GALNT17: variants seen among roughly 807,000 people sequenced by gnomAD.
GALNT17 encodes the protein polypeptide N-acetylgalactosaminyltransferase 17.
GALNT17 carries 29 observed loss-of-function variants against 63.7 expected under a neutral mutation model. The observed-to-expected ratio is 0.46, with a 90% CI of 0.34 to 0.62. GALNT17 has a LOEUF of 0.62. GALNT17 is among the 20% of genes least tolerant of loss of function. The probability of loss-of-function intolerance (pLI) is 0.01; values close to 1 mark genes in which losing one functional copy is unlikely to be tolerated. For missense variants in GALNT17, 603 were observed against 799.6 expected, an observed-to-expected ratio of 0.75 and a Z score of 2.97; for synonymous variants, 305 against 318.3, an observed-to-expected ratio of 0.96 and a Z score of 0.45.
intron 1 of GALNT17, among the ~76,000 whole-genome samples, chr7:71,294,742 A>G (rs1295458278): frequency 6.6e-6 from 1 of 152,148 alleles, no homozygotes; most frequent in Non-Finnish European, 1.5e-5. Context: ...TATGCTTTAT[A>G]CAGACATCTA....
At chr7:71,208,450 T>C (rs1323289616) in intron 1 of GALNT17, among the ~76,000 whole-genome samples, 1 of 53,388 alleles carries the variant, frequency 1.9e-5, no homozygotes, top group Non-Finnish European at 2.9e-5. Context: ...TAATAAATGC[T>C]TTTTTTTTTT....
chr7:71,578,693 A>G (rs1418015017), intron 6 of GALNT17, among the ~76,000 whole-genome samples: 1 of 152,142 alleles, frequency 6.6e-6, no homozygotes, highest in African/African-American at 2.4e-5. Flanking sequence ...AGGAACCTGA[A>G]TGAAAACAGC....
intron 1 of GALNT17, among the ~76,000 whole-genome samples, chr7:71,164,015 T>G (rs1788392920): frequency 6.6e-6 from 1 of 152,106 alleles, no homozygotes; most frequent in Non-Finnish European, 1.5e-5. Context: ...GGATTTAGAG[T>G]GGAAACAGAG....
chr7:71,346,745 T>TTGGGGGGGCGGGGGTGGG (rs1156314811), intron 2 of GALNT17, among the ~76,000 whole-genome samples: 1 of 2,376 alleles, frequency 4.2e-4, no homozygotes, highest in Non-Finnish European at 1.0e-3. Flanking sequence ...ATCTTGCCTG[T>TTGGGGGGGCGGGGGTGGG]TGGGGGGGCG....
intron 5 of GALNT17, among the ~76,000 whole-genome samples, chr7:71,521,623 C>G (rs909678364): frequency 6.6e-6 from 1 of 152,350 alleles, no homozygotes; most frequent in Admixed American, 6.5e-5. Flanking sequence ...TCGACTTACA[C>G]TGCTCAGTTC....
intron 1 of GALNT17, among the ~76,000 whole-genome samples, chr7:71,328,818 A>G (rs766091716): frequency 6.6e-6 from 1 of 152,046 alleles, no homozygotes; most frequent in Non-Finnish European, 1.5e-5. Context: ...TGGAAGCAAT[A>G]ATGCCACATA....
Position 71,153,789 on chromosome 7 carries a change from C to T in GALNT17, c.238+20749C>T, listed in dbSNP as rs539368176. 5.5e-4 allele frequency among the ~76,000 whole-genome samples: 84 copies of T among 152,042 alleles called. 2 individuals are homozygous for T. The South Asian group carries it at 0.016, about 29-fold the overall frequency. On this transcript the variant is annotated intron_variant, in intron 1 of 10. Coordinates refer to ENST00000333538, the MANE Select transcript of GALNT17 (RefSeq NM_022479.3). Reference sequence around the variant, plus strand: ...AAAATTAGCCAGTCGTGGTGGCGGGCGCCTGTAGTCCCAGCTACTCAGGAG... The same window carrying T: ...AAAATTAGCCAGTCGTGGTGGCGGGTGCCTGTAGTCCCAGCTACTCAGGAG...
intron 1 of GALNT17, among the ~76,000 whole-genome samples, chr7:71,328,594 A>G (rs556586893): frequency 2.0e-5 from 3 of 151,508 alleles, no homozygotes; most frequent in South Asian, 4.2e-4. Flanking sequence ...ACTCTTATTT[A>G]TCTTTGCCAA....
At chr7:71,508,764 CTG>C (rs1364657570) in intron 5 of GALNT17, among the ~76,000 whole-genome samples, 1 of 152,142 alleles carries the variant, frequency 6.6e-6, no homozygotes, top group East Asian at 1.9e-4. Flanking sequence ...CTCCAGAAAA[CTG>C]TGTTCCTTCC....
intron 1 of GALNT17, among the ~76,000 whole-genome samples, chr7:71,163,198 A>G (rs1452212840): frequency 1.3e-5 from 2 of 152,262 alleles, no homozygotes; most frequent in East Asian, 1.9e-4. Flanking sequence ...GATGCCATTC[A>G]CTGAGACAGG....
intron 6 of GALNT17, among the ~76,000 whole-genome samples, chr7:71,655,606 C>T (rs79502847): frequency 0.011 from 1,652 of 152,224 alleles, 30 homozygotes; most frequent in African/African-American, 0.038. Context: ...AAATAGTTTC[C>T]GGGGGAAGAA....
At chr7:71,164,313 C>A (rs1788397599) in intron 1 of GALNT17, among the ~76,000 whole-genome samples, 1 of 152,174 alleles carries the variant, frequency 6.6e-6, no homozygotes, top group South Asian at 2.1e-4. Flanking sequence ...GGAAGCAAGG[C>A]ACGTCTTACA....
chr7:71,447,658 A>G (rs1787183930), intron 5 of GALNT17, among the ~76,000 whole-genome samples: 1 of 152,216 alleles, frequency 6.6e-6, no homozygotes, highest in African/African-American at 2.4e-5. Flanking sequence ...TTATATTATT[A>G]TAACTATTTG....
chr7:71,179,202 A>G (rs1018330008), intron 1 of GALNT17, among the ~76,000 whole-genome samples: 1 of 151,474 alleles, frequency 6.6e-6, no homozygotes, highest in South Asian at 2.1e-4. Context: ...AGATAAATGC[A>G]TATCTGATCG....
intron 5 of GALNT17, among the ~76,000 whole-genome samples, chr7:71,465,348 C>A (rs916105094): frequency 1.3e-5 from 2 of 152,108 alleles, no homozygotes; most frequent in Non-Finnish European, 2.9e-5. Flanking sequence ...AAGTAGTTAA[C>A]CTAAAAGATA....
At chr7:71,647,585 A>G (rs1239812654) in intron 6 of GALNT17, among the ~76,000 whole-genome samples, 1 of 152,196 alleles carries the variant, frequency 6.6e-6, no homozygotes, top group Admixed American at 6.5e-5. Flanking sequence ...AGGCCCTGGA[A>G]GCCCATGGCT....
intron 5 of GALNT17, among the ~76,000 whole-genome samples, chr7:71,446,792 G>C (rs1012271776): frequency 6.6e-6 from 1 of 152,146 alleles, no homozygotes; most frequent in African/African-American, 2.4e-5. Context: ...CAAGTGATCT[G>C]TCTGCCTCTG....
At chr7:71,524,008 C>T (rs895972150) in intron 5 of GALNT17, among the ~76,000 whole-genome samples, 4 of 150,028 alleles carry the variant, frequency 2.7e-5, no homozygotes, top group Non-Finnish European at 5.9e-5. Flanking sequence ...ATCCCAGCTA[C>T]TCGGGAGGCT....
intron 1 of GALNT17, among the ~76,000 whole-genome samples, chr7:71,274,511 C>A (rs550888525): frequency 6.6e-6 from 1 of 152,168 alleles, no homozygotes; most frequent in Non-Finnish European, 1.5e-5. Context: ...AAGTCCTGGC[C>A]TCAAGCAGTC....
Sources: allele counts gnomAD v4.1 joint callset (sites outside exome capture counted in the v4.1 genomes callset), GRCh38; gene constraint gnomAD v4.1.1; transcripts MANE v1.5; gene names NCBI Gene and HGNC (gene_info 2026-07-23, HGNC 2026-07-21).